Variants in DOCK5 observed in about 807,000 individuals in gnomAD.
DOCK5 encodes the protein dedicator of cytokinesis 5.
DOCK5 carries 142 observed loss-of-function variants against 251.8 expected under a neutral mutation model. That is an observed-to-expected ratio of 0.56 (90% CI 0.49 to 0.65). DOCK5 has a LOEUF of 0.65. Among genes scored for constraint, DOCK5 ranks in the 30% least tolerant of loss-of-function variants. The pLI is 0.00. For synonymous variants in DOCK5, 842 were observed against 835.5 expected (o/e 1.01, Z -0.13); for missense variants, 2,111 against 2,312.3 (o/e 0.91, Z 1.79).
At chr8:25,382,181 T>C (rs1801079042) in intron 39 of DOCK5, among the ~76,000 whole-genome samples, 1 of 152,102 alleles carries the variant, frequency 6.6e-6, no homozygotes, top group Admixed American at 6.5e-5. Flanking sequence ...CTCACTATGT[T>C]GCCCAGGCTG....
chr8:25,411,184 G>C lies in DOCK5; in HGVS notation c.5509-10G>C. On this transcript the variant is annotated splice_polypyrimidine_tract_variant and intron_variant, in intron 51 of 51. Coordinates refer to ENST00000276440, the MANE Select transcript of DOCK5 (RefSeq NM_024940.8). ...GACCTGCTTCTAATTTTGTGTTTCT[G>C]CTTCTGCAGCTCGCTCCCCCACTGC... 1 of 1,548,418 alleles carries C rather than the reference G, an allele frequency of 6.5e-7. No homozygotes were observed. The highest frequency in any genetic ancestry group is 1.2e-5 in the South Asian group (1 of 82,506).
intron 6 of DOCK5, among the ~76,000 whole-genome samples, chr8:25,293,919 G>A (rs927045554): frequency 2.0e-5 from 3 of 152,166 alleles, no homozygotes; most frequent in Admixed American, 1.3e-4. Flanking sequence ...CACAAGAATC[G>A]CTGGAACTCA....
intron 42 of DOCK5, among the ~76,000 whole-genome samples, chr8:25,391,099 G>A (rs13261573): frequency 0.2 from 30,765 of 151,984 alleles, 3,865 homozygotes; most frequent in East Asian, 0.55. Flanking sequence ...GGCATGCAGT[G>A]GCACGATCAT....
intron 27 of DOCK5, among the ~76,000 whole-genome samples, chr8:25,354,821 T>G (rs1329895502): frequency 6.6e-6 from 1 of 152,228 alleles, no homozygotes; most frequent in Non-Finnish European, 1.5e-5. Context: ...ATTTTCTTCA[T>G]AGATGCCAAA....
intron 13 of DOCK5, among the ~76,000 whole-genome samples, chr8:25,312,067 A>G (rs761539443): frequency 1.3e-5 from 2 of 152,222 alleles, no homozygotes; most frequent in African/African-American, 2.4e-5. Flanking sequence ...AGGAATGAAT[A>G]AAAATGTTAT....
At chr8:25,390,151 G>A (rs1801231996) in intron 41 of DOCK5, 55 bp from the exon 42 acceptor site, 4 of 1,469,994 alleles carry the variant, frequency 2.7e-6, no homozygotes, top group South Asian at 1.3e-5. Context: ...GGGGTGTTTG[G>A]TGTCTGACAC....
intron 23 of DOCK5, 81 bp from the exon 24 acceptor site, chr8:25,341,658 C>G (rs1401109880): frequency 3.9e-5 from 47 of 1,220,060 alleles, no homozygotes; most frequent in Non-Finnish European, 4.9e-5. Context: ...CAAGCACAGC[C>G]TTTTCTTCCT....
intron 1 of DOCK5, among the ~76,000 whole-genome samples, chr8:25,224,180 G>A (rs1338803894): frequency 6.6e-6 from 1 of 152,130 alleles, no homozygotes; most frequent in East Asian, 1.9e-4. Context: ...GCACAGTGGT[G>A]TGATCTTGGC....
intron 1 of DOCK5, among the ~76,000 whole-genome samples, chr8:25,201,523 C>T (rs949546388): frequency 7.9e-5 from 12 of 152,162 alleles, no homozygotes; most frequent in Admixed American, 7.9e-4. Flanking sequence ...AACTTTAGAA[C>T]GCTGATTACT....
intron 31 of DOCK5, among the ~76,000 whole-genome samples, chr8:25,367,564 C>T (rs567328949): frequency 2.6e-5 from 4 of 152,248 alleles, no homozygotes; most frequent in African/African-American, 9.6e-5. Context: ...AGTTGTGTTC[C>T]CCTTGTTGGG....
intron 16 of DOCK5, among the ~76,000 whole-genome samples, chr8:25,323,599 C>T (rs980256857): frequency 2.0e-5 from 3 of 152,120 alleles, no homozygotes; most frequent in African/African-American, 7.2e-5. Context: ...TCAACACCCA[C>T]ATTTCTGATT....
chr8:25,236,486 G>A (rs186914611), intron 1 of DOCK5, among the ~76,000 whole-genome samples: 1 of 152,212 alleles, frequency 6.6e-6, no homozygotes, highest in Non-Finnish European at 1.5e-5. Context: ...CCAAGATGAA[G>A]ATCAAAGATG....
intron 5 of DOCK5, among the ~76,000 whole-genome samples, chr8:25,285,308 G>T (rs1227615616): frequency 6.6e-6 from 1 of 152,038 alleles, no homozygotes; most frequent in Non-Finnish European, 1.5e-5. Context: ...ACCACGCCTG[G>T]CTAATTTTTG....
intron 18 of DOCK5, among the ~76,000 whole-genome samples, chr8:25,327,729 A>G (rs1257888274): frequency 6.6e-6 from 1 of 152,158 alleles, no homozygotes; most frequent in African/African-American, 2.4e-5. Flanking sequence ...ATTAATTAAA[A>G]TTGGAGGGTG....
intron 3 of DOCK5, among the ~76,000 whole-genome samples, chr8:25,272,961 G>A (rs1047492538): frequency 7.2e-5 from 11 of 152,164 alleles, no homozygotes; most frequent in African/African-American, 2.7e-4. Flanking sequence ...TACAGTATTT[G>A]TCCTTTTGTG....
chr8:25,380,999 G>A (rs541751692), intron 39 of DOCK5, among the ~76,000 whole-genome samples: 4 of 151,284 alleles, frequency 2.6e-5, no homozygotes, highest in South Asian at 4.2e-4. Context: ...ATGCCCCAGC[G>A]GTAGGCAGAC....
At chr8:25,206,393 T>G (rs1054599084) in intron 1 of DOCK5, among the ~76,000 whole-genome samples, 1 of 152,156 alleles carries the variant, frequency 6.6e-6, no homozygotes, top group Non-Finnish European at 1.5e-5. Flanking sequence ...TTTGTAGCAT[T>G]CACCAATATC....
chr8:25,330,017 A>G (rs1805647233), intron 18 of DOCK5, among the ~76,000 whole-genome samples: 2 of 152,210 alleles, frequency 1.3e-5, no homozygotes, highest in Admixed American at 1.3e-4. Flanking sequence ...TCACTAGGAA[A>G]TAAACCTCTG....
intron 1 of DOCK5, among the ~76,000 whole-genome samples, chr8:25,215,254 A>G (rs1365311320): frequency 1.3e-5 from 2 of 152,054 alleles, no homozygotes; most frequent in African/African-American, 4.8e-5. Flanking sequence ...AAACATGGAT[A>G]GGCTAGGGTG....
Sources: allele counts gnomAD v4.1 joint callset (sites outside exome capture counted in the v4.1 genomes callset), GRCh38; gene constraint gnomAD v4.1.1; transcripts MANE v1.5; gene names NCBI Gene and HGNC (gene_info 2026-07-23, HGNC 2026-07-21).